Variants in ALK observed in about 807,000 individuals in gnomAD.
ALK encodes ALK tyrosine kinase receptor.
Under a neutral mutation model 163.1 loss-of-function variants are expected in ALK, and 74 were observed. The ratio of observed to expected loss-of-function variants is 0.45; its 90% CI spans 0.38 to 0.55. ALK has a LOEUF of 0.55. ALK is among the 20% of genes least tolerant of loss of function. ALK has a pLI of 0.00. For synonymous variants in ALK, 960 were observed against 843.2 expected (o/e 1.14, Z -2.40); for missense variants, 2,063 against 2,105.3 (o/e 0.98, Z 0.39).
intron 1 of ALK, among the ~76,000 whole-genome samples, chr2:29,889,515 GGATA>G (rs769685640): frequency 0.025 from 3,723 of 151,682 alleles, 55 homozygotes; most frequent in African/African-American, 0.035. Flanking sequence ...ATGGATGGAT[GGATA>G]GATAGATAGA....
At chr2:29,595,524 G>A (rs1675187942) in intron 3 of ALK, among the ~76,000 whole-genome samples, 1 of 152,116 alleles carries the variant, frequency 6.6e-6, no homozygotes, top group Non-Finnish European at 1.5e-5. Context: ...GTTTCACCGT[G>A]TTAGGCAGGA....
chr2:29,211,527 A>G (rs1227183250), intron 24 of ALK, among the ~76,000 whole-genome samples: 1 of 152,244 alleles, frequency 6.6e-6, no homozygotes, highest in African/African-American at 2.4e-5. Context: ...ACCATGTCCA[A>G]AGGAAAAAGA....
chr2:29,528,865 A>G (rs1370721195), intron 4 of ALK, among the ~76,000 whole-genome samples: 1 of 152,098 alleles, frequency 6.6e-6, no homozygotes, highest in Admixed American at 6.5e-5. Flanking sequence ...GCTGTTTGGT[A>G]GCCCCTATTT....
chr2:29,348,806 C>T (rs114127400), intron 5 of ALK, among the ~76,000 whole-genome samples: 6,571 of 152,290 alleles, frequency 0.043, 208 homozygotes, highest in Admixed American at 0.08. Flanking sequence ...ATCGTAAGGA[C>T]GGACTCCTAA....
At chr2:29,269,803 C>A (rs1163666367) in intron 11 of ALK, among the ~76,000 whole-genome samples, 3 of 151,998 alleles carry the variant, frequency 2.0e-5, no homozygotes, top group Non-Finnish European at 2.9e-5. Context: ...ATGAACAGTC[C>A]CCCCCCAGCT....
intron 3 of ALK, among the ~76,000 whole-genome samples, chr2:29,548,211 C>T (rs1332635429): frequency 6.6e-6 from 1 of 152,144 alleles, no homozygotes; most frequent in Non-Finnish European, 1.5e-5. Context: ...CGGTGGCTCA[C>T]GCCTGTAATC....
At chr2:29,262,824 G>C (rs1187333499) in intron 11 of ALK, among the ~76,000 whole-genome samples, 1 of 152,262 alleles carries the variant, frequency 6.6e-6, no homozygotes, top group Non-Finnish European at 1.5e-5. Flanking sequence ...CCAGTGATCT[G>C]CAGGAGATTT....
At chr2:29,727,645 C>T (rs1030707432) in intron 1 of ALK, among the ~76,000 whole-genome samples, 8 of 152,176 alleles carry the variant, frequency 5.3e-5, no homozygotes, top group African/African-American at 9.6e-5. Flanking sequence ...AATCCTTGTG[C>T]TTTTACTAAG....
At chr2:29,492,568 G>A (rs751933552) in intron 4 of ALK, among the ~76,000 whole-genome samples, 2 of 152,120 alleles carry the variant, frequency 1.3e-5, no homozygotes, top group African/African-American at 4.8e-5. Context: ...TTCTGCACAC[G>A]GTCAGTAGGT....
intron 5 of ALK, among the ~76,000 whole-genome samples, chr2:29,383,188 A>G (rs574377449): frequency 1.6e-4 from 24 of 151,984 alleles, no homozygotes; most frequent in African/African-American, 5.3e-4. Flanking sequence ...TTAGGCCCCA[A>G]TGTCTGCTGT....
At chr2:29,915,050 T>A (rs2148439852) in intron 1 of ALK, among the ~76,000 whole-genome samples, 1 of 152,276 alleles carries the variant, frequency 6.6e-6, no homozygotes, top group African/African-American at 2.4e-5. Context: ...CAAATAACCA[T>A]AACAGGACAC....
At chr2:29,848,157 G>A (rs918104586) in intron 1 of ALK, among the ~76,000 whole-genome samples, 1 of 152,104 alleles carries the variant, frequency 6.6e-6, no homozygotes, top group Non-Finnish European at 1.5e-5. Flanking sequence ...GCCTCTGGGA[G>A]GAGGAAGTGG....
At chr2:29,476,132 A>G (rs1471025575) in intron 4 of ALK, among the ~76,000 whole-genome samples, 1 of 152,162 alleles carries the variant, frequency 6.6e-6, no homozygotes, top group East Asian at 1.9e-4. Flanking sequence ...TGCTCACTTT[A>G]CAGATGAGGA....
intron 12 of ALK, among the ~76,000 whole-genome samples, chr2:29,240,118 G>T (rs1223660631): frequency 6.7e-6 from 1 of 148,800 alleles, no homozygotes; most frequent in Non-Finnish European, 1.5e-5. Flanking sequence ...GAGGGAAGAA[G>T]GGAGAGAAGG....
In ALK at chr2:29,666,222, A is replaced by G. The variant is rs144082103; in HGVS notation, c.952+28628T>C. Among the ~76,000 whole-genome samples the G allele has an allele frequency of 7.9e-5, 12 of 152,192 alleles. No individual in the cohort carries two copies. The East Asian group carries it at 1.9e-3, about 25-fold the overall frequency. On this transcript the variant is annotated intron_variant, in intron 3 of 28. Transcript: ENST00000389048. Reference sequence around the variant, plus strand: ...AAAACCTATAATGCTTATTGCTCATAATTCCATTATCCTAGATAGTATTTT... The same window carrying G: ...AAAACCTATAATGCTTATTGCTCATGATTCCATTATCCTAGATAGTATTTT...
chr2:29,503,957 G>C (rs1052015637), intron 4 of ALK, among the ~76,000 whole-genome samples: 1 of 151,590 alleles, frequency 6.6e-6, no homozygotes, highest in Non-Finnish European at 1.5e-5. Flanking sequence ...ACTTTCAGTG[G>C]CAAAAACTGC....
intron 1 of ALK, among the ~76,000 whole-genome samples, chr2:29,815,101 G>A (rs1156521335): frequency 6.7e-6 from 1 of 150,272 alleles, no homozygotes; most frequent in African/African-American, 2.5e-5. Context: ...TGCAAGGTAT[G>A]TCTGGAACCT....
intron 3 of ALK, among the ~76,000 whole-genome samples, chr2:29,562,933 C>T (rs892419896): frequency 6.6e-6 from 1 of 152,102 alleles, no homozygotes; most frequent in African/African-American, 2.4e-5. Flanking sequence ...ATTTGTTTCC[C>T]AAAGGTAAGC....
chr2:29,314,997 G>A (rs1349964011), intron 8 of ALK, among the ~76,000 whole-genome samples: 2 of 151,954 alleles, frequency 1.3e-5, no homozygotes, highest in African/African-American at 4.8e-5. Flanking sequence ...CCTCCCCGGT[G>A]GCAACTTTAA....
Sources: allele counts gnomAD v4.1 joint callset (sites outside exome capture counted in the v4.1 genomes callset), GRCh38; gene constraint gnomAD v4.1.1; transcripts MANE v1.5; gene names NCBI Gene and HGNC (gene_info 2026-07-23, HGNC 2026-07-21).